Variants in TAFA1 observed in about 807,000 individuals in gnomAD.
TAFA1 encodes TAFA chemokine like family member 1.
A neutral mutation model predicts 18.5 loss-of-function variants in TAFA1; 4 were observed. That is an observed-to-expected ratio of 0.22 (90% CI 0.11 to 0.49). The LOEUF (loss-of-function observed/expected upper bound fraction) is 0.49. Among genes scored for constraint, TAFA1 ranks in the 20% least tolerant of loss-of-function variants. TAFA1 has a pLI of 0.98. For synonymous variants in TAFA1, 56 were observed against 55.2 expected (o/e 1.01, Z -0.06); for missense variants, 147 against 169.0 (o/e 0.87, Z 0.72).
chr3:68,316,870 C>G (rs2068613851), intron 2 of TAFA1, among the ~76,000 whole-genome samples: 1 of 152,116 alleles, frequency 6.6e-6, no homozygotes, highest in Admixed American at 6.6e-5. Context: ...AAAGTAGAGA[C>G]AGCATAATGA....
At chr3:68,421,662 G>T (rs780032349) in intron 3 of TAFA1, among the ~76,000 whole-genome samples, 1 of 151,982 alleles carries the variant, frequency 6.6e-6, no homozygotes, top group Non-Finnish European at 1.5e-5. Context: ...GTAAAATAGG[G>T]ATTATAGACA....
chr3:68,384,854 T>C (rs916752498), intron 2 of TAFA1, among the ~76,000 whole-genome samples: 2 of 152,110 alleles, frequency 1.3e-5, no homozygotes, highest in African/African-American at 4.8e-5. Flanking sequence ...TGCTTCTGCA[T>C]TGAGTGTATA....
At chr3:68,261,625 A>G (rs1173747660) in intron 2 of TAFA1, among the ~76,000 whole-genome samples, 1 of 152,188 alleles carries the variant, frequency 6.6e-6, no homozygotes, top group East Asian at 1.9e-4. Context: ...AGGGGCATAG[A>G]TGAAACTGGA....
chr3:68,024,807 A>G (rs1041319938), intron 2 of TAFA1, among the ~76,000 whole-genome samples: 2 of 151,408 alleles, frequency 1.3e-5, no homozygotes, highest in Non-Finnish European at 2.9e-5. Context: ...TCCTTAATGC[A>G]CACACACACA....
intron 2 of TAFA1, among the ~76,000 whole-genome samples, chr3:68,253,616 A>G (rs764432880): frequency 1.3e-5 from 2 of 152,192 alleles, no homozygotes; most frequent in Non-Finnish European, 2.9e-5. Context: ...CCTAATGGTG[A>G]TGCATGGCAG....
At chr3:68,543,328 GACAA>G (rs1474767486) in intron 4 of TAFA1, among the ~76,000 whole-genome samples, 2 of 152,154 alleles carry the variant, frequency 1.3e-5, no homozygotes, top group Non-Finnish European at 2.9e-5. Context: ...CACTGGAAAA[GACAA>G]ACTAACAGGT....
At chr3:68,342,690 A>T (rs1434596303) in intron 2 of TAFA1, among the ~76,000 whole-genome samples, 3 of 152,182 alleles carry the variant, frequency 2.0e-5, no homozygotes, top group African/African-American at 7.2e-5. Flanking sequence ...TCTATGGAGA[A>T]TAAAAGCCTC....
At chr3:68,480,290 C>T (rs570105210) in intron 3 of TAFA1, among the ~76,000 whole-genome samples, 12 of 151,676 alleles carry the variant, frequency 7.9e-5, no homozygotes, top group African/African-American at 2.7e-4. Flanking sequence ...GTAATCCCAG[C>T]TACTTGGGAG....
At chr3:68,397,334 C>T (rs1175324606) in intron 2 of TAFA1, among the ~76,000 whole-genome samples, 1 of 152,082 alleles carries the variant, frequency 6.6e-6, no homozygotes, top group Non-Finnish European at 1.5e-5. Context: ...CCAACAGGCC[C>T]CGGTGTGTGA....
chr3:68,166,763 G>A (rs2065986230), intron 2 of TAFA1, among the ~76,000 whole-genome samples: 1 of 152,092 alleles, frequency 6.6e-6, no homozygotes. Flanking sequence ...AAAGTTCTGC[G>A]AATCAAATGG....
chr3:68,528,994 AC>A (rs1256772658), intron 3 of TAFA1, among the ~76,000 whole-genome samples: 1 of 151,738 alleles, frequency 6.6e-6, no homozygotes, highest in Non-Finnish European at 1.5e-5. Context: ...AATCCTCACA[AC>A]CCTTTGATAT....
At chr3:68,186,321 G>C (rs1266462654) in intron 2 of TAFA1, among the ~76,000 whole-genome samples, 1 of 151,986 alleles carries the variant, frequency 6.6e-6, no homozygotes, top group African/African-American at 2.4e-5. Flanking sequence ...CCTTTCCGCA[G>C]AAGTACCCAG....
intron 2 of TAFA1, among the ~76,000 whole-genome samples, chr3:68,294,068 T>C (rs2107283738): frequency 6.6e-6 from 1 of 152,346 alleles, no homozygotes; most frequent in East Asian, 1.9e-4. Context: ...GATTTGATGT[T>C]TTCTTGAGTC....
chr3:68,450,143 A>G (rs1461300109), intron 3 of TAFA1, among the ~76,000 whole-genome samples: 2 of 152,228 alleles, frequency 1.3e-5, no homozygotes, highest in African/African-American at 2.4e-5. Flanking sequence ...CAGTCAAACA[A>G]TCCATTGGAG....
intron 2 of TAFA1, among the ~76,000 whole-genome samples, chr3:68,410,862 T>A (rs2070702668): frequency 6.6e-6 from 1 of 152,132 alleles, no homozygotes; most frequent in African/African-American, 2.4e-5. Context: ...CAAGGAAAAG[T>A]CCGAAAGATA....
intron 2 of TAFA1, among the ~76,000 whole-genome samples, chr3:68,231,515 C>A (rs1039724961): frequency 6.6e-6 from 1 of 150,720 alleles, no homozygotes; most frequent in South Asian, 2.1e-4. Context: ...CGCCCGCCAC[C>A]GCGCCCGGCT....
At chr3:68,006,578 G>T in intron 1 of TAFA1, 46 bp from the exon 2 acceptor site, 1 of 1,306,434 alleles carries the variant, frequency 7.7e-7, no homozygotes, top group Non-Finnish European at 1.1e-6. Flanking sequence ...ACTGAGCTGG[G>T]GGCTTGAAGC....
At chr3:68,295,093 G>A (rs1445391715) in intron 2 of TAFA1, among the ~76,000 whole-genome samples, 11 of 152,210 alleles carry the variant, frequency 7.2e-5, no homozygotes, top group East Asian at 1.9e-4. Flanking sequence ...TGTCCCCTTC[G>A]CTCAACCTCC....
intron 2 of TAFA1, among the ~76,000 whole-genome samples, chr3:68,024,756 C>A (rs1704776165): frequency 6.6e-6 from 1 of 151,076 alleles, no homozygotes; most frequent in African/African-American, 2.4e-5. Flanking sequence ...AAGGCTGAGG[C>A]AATTATTCTG....
Sources: allele counts gnomAD v4.1 joint callset (sites outside exome capture counted in the v4.1 genomes callset), GRCh38; gene constraint gnomAD v4.1.1; transcripts MANE v1.5; gene names NCBI Gene and HGNC (gene_info 2026-07-23, HGNC 2026-07-21).